The following CCDC171 variants were observed in gnomAD, a reference collection of about 807,000 sequenced individuals.
CCDC171 encodes the protein coiled-coil domain containing 171, also known as coiled-coil domain-containing protein 171.
A neutral mutation model predicts 168.2 loss-of-function variants in CCDC171; 177 were observed. That is an observed-to-expected ratio of 1.05 (90% CI 0.93 to 1.19). The LOEUF (loss-of-function observed/expected upper bound fraction) is 1.19. Among genes scored for constraint, CCDC171 ranks in the 50% most tolerant of loss-of-function variants. CCDC171 has a pLI of 0.00. For missense variants in CCDC171, 1,991 were observed against 1,539.0 expected (o/e 1.29, Z -4.91); for synonymous variants, 687 against 540.8 (o/e 1.27, Z -3.75).
chr9:16,011,671 A>T (rs16933937), intron 3 of CCDC171, among the ~76,000 whole-genome samples: 2,057 of 152,294 alleles, frequency 0.014, 47 homozygotes, highest in African/African-American at 0.046. Context: ...CCATACAGTC[A>T]TTCAGCATTT....
chr9:15,865,022 A>G (rs1389045834), intron 23 of CCDC171, among the ~76,000 whole-genome samples: 1 of 152,088 alleles, frequency 6.6e-6, no homozygotes, highest in Non-Finnish European at 1.5e-5. Flanking sequence ...GAAGTCTTAG[A>G]TGCTTTTATC....
intron 25 of CCDC171, among the ~76,000 whole-genome samples, chr9:15,965,466 T>G (rs1830707733): frequency 1.3e-5 from 2 of 152,204 alleles, no homozygotes; most frequent in Admixed American, 1.3e-4. Context: ...CTTTCTACCA[T>G]TAGCAAGCTG....
chr9:16,101,051 A>G, the CCDC171 span, among the ~76,000 whole-genome samples: 1 of 152,208 alleles, frequency 6.6e-6, no homozygotes, highest in African/African-American at 2.4e-5. Flanking sequence ...TGAAGGAGCT[A>G]GGAGGGAAGC....
chr9:15,596,357 A>C (rs1226028219), intron 6 of CCDC171, among the ~76,000 whole-genome samples: 23 of 151,562 alleles, frequency 1.5e-4, no homozygotes, highest in Non-Finnish European at 2.7e-4. Flanking sequence ...TCAGCTTTCT[A>C]CATATGGCTA....
At chr9:16,007,806 A>G (rs576874535) in intron 3 of CCDC171, among the ~76,000 whole-genome samples, 1 of 152,048 alleles carries the variant, frequency 6.6e-6, no homozygotes, top group South Asian at 2.1e-4. Flanking sequence ...TGTTTTGGTA[A>G]CAGTACCATG....
chr9:15,631,943 A>G (rs1360907814), intron 7 of CCDC171, among the ~76,000 whole-genome samples: 1 of 152,230 alleles, frequency 6.6e-6, no homozygotes, highest in Non-Finnish European at 1.5e-5. Context: ...CAATAGATGC[A>G]GAAAAGGCCT....
At chr9:15,778,690 A>G (rs1455105755) in intron 19 of CCDC171, among the ~76,000 whole-genome samples, 1 of 150,332 alleles carries the variant, frequency 6.7e-6, no homozygotes, top group Non-Finnish European at 1.5e-5. Flanking sequence ...GCTAAATTTA[A>G]TGTTCTCTAT....
At chr9:15,712,902 G>A (rs2052780364) in intron 11 of CCDC171, among the ~76,000 whole-genome samples, 1 of 152,132 alleles carries the variant, frequency 6.6e-6, no homozygotes, top group Admixed American at 6.5e-5. Flanking sequence ...AAGATGGCTA[G>A]GAAAAAACAT....
chr9:15,863,040 C>A (rs2061625264), intron 23 of CCDC171, among the ~76,000 whole-genome samples: 1 of 142,452 alleles, frequency 7.0e-6, no homozygotes, highest in African/African-American at 2.9e-5. Context: ...CAAACCACCA[C>A]CCTTTTTCTC....
At chr9:15,848,845 G>T (rs745959308) in intron 22 of CCDC171, 48 bp from the exon 23 acceptor site, 4 of 1,016,054 alleles carry the variant, frequency 3.9e-6, no homozygotes, top group Middle Eastern at 2.2e-4. Context: ...TGTAACAGTT[G>T]TAGTAAGGTT....
intron 3 of CCDC171, among the ~76,000 whole-genome samples, chr9:16,001,079 A>G (rs1230431956): frequency 1.3e-5 from 2 of 152,192 alleles, no homozygotes; most frequent in Non-Finnish European, 2.9e-5. Flanking sequence ...AAGCTAATGC[A>G]TTGATTTATA....
chr9:15,906,330 C>G (rs970588964), intron 24 of CCDC171, among the ~76,000 whole-genome samples: 1 of 152,190 alleles, frequency 6.6e-6, no homozygotes, highest in African/African-American at 2.4e-5. Flanking sequence ...CCACCATGAT[C>G]AAGTGGGCTT....
At chr9:15,915,972 A>G (rs1286538231) in intron 24 of CCDC171, among the ~76,000 whole-genome samples, 1 of 152,088 alleles carries the variant, frequency 6.6e-6, no homozygotes. Flanking sequence ...TCACCTGGTT[A>G]TAGTGTATTA....
rs1185969975 is a variant in CCDC171, at chr9:15,972,982, G to A, written c.*1146G>A. ...TACTTGACAAGCTTTTGGGTGCTTT[G>A]TGGCTTGACAAAGTGATGTTCTGTT... is the stretch of plus-strand genomic sequence containing the variant. On this transcript the variant is annotated 3_prime_UTR_variant, in exon 26 of 26. Transcript: ENST00000380701. The A allele has an allele frequency of 6.6e-6, 1 of 152,142 alleles. No homozygotes were observed. The highest frequency in any genetic ancestry group is 1.5e-5 in the Non-Finnish European group (1 of 68,048). The allele number at this position is 152,142 out of a possible 1,614,324, so 9.4% of individuals were successfully genotyped here. A position where few individuals can be genotyped will look rare whatever the true frequency, so the allele number is the denominator to read the frequency against.
At chr9:16,060,160 G>A (rs1833909416) in intron 1 of CCDC171, among the ~76,000 whole-genome samples, 1 of 152,194 alleles carries the variant, frequency 6.6e-6, no homozygotes, top group African/African-American at 2.4e-5. Flanking sequence ...CTGAAGGCTA[G>A]TGGCTGGACC....
chr9:15,679,496 C>T (rs1033510171), intron 10 of CCDC171, among the ~76,000 whole-genome samples: 1 of 152,064 alleles, frequency 6.6e-6, no homozygotes, highest in African/African-American at 2.4e-5. Context: ...TTGCCTTTGC[C>T]CTCTGTCTGT....
intron 18 of CCDC171, 133 bp downstream of exon 18, chr9:15,745,764 A>G: frequency 4.0e-6 from 2 of 504,434 alleles, no homozygotes; most frequent in Non-Finnish European, 6.8e-6. Flanking sequence ...ATTCAGTCAT[A>G]GAGAGATTGT....
chr9:15,666,320 A>G lies in CCDC171; in HGVS notation c.1073A>G (p.Asn358Ser). Reference protein sequence around the residue: ...HNAQESFAKLNLLEKEYFSKN... With the variant: ...HNAQESFAKLSLLEKEYFSKN... ...GCACAAGAGAGCTTTGCAAAACTAAATTTGTAAGTATTCTATTGTAAAATT... is the reference window on the plus strand; with the variant it reads ...GCACAAGAGAGCTTTGCAAAACTAAGTTTGTAAGTATTCTATTGTAAAATT... The change falls in exon 9 of 26, where the codon AAT (asparagine) becomes AGT (serine). Residue 358 changes from asparagine (N) to serine (S), a missense_variant. Coordinates refer to ENST00000380701, the MANE Select transcript of CCDC171 (RefSeq NM_173550.4). 2 of 1,599,338 alleles carry G rather than the reference A, an allele frequency of 1.3e-6. No individual in the cohort carries two copies. The highest frequency in any genetic ancestry group is 1.1e-5 in the South Asian group (1 of 89,224).
chr9:16,087,665 A>G, the CCDC171 span, among the ~76,000 whole-genome samples: 2 of 149,200 alleles, frequency 1.3e-5, no homozygotes, highest in Non-Finnish European at 1.5e-5. Flanking sequence ...GGTCTGTTGA[A>G]TACAGCACAC....
Sources: allele counts gnomAD v4.1 joint callset (sites outside exome capture counted in the v4.1 genomes callset), GRCh38; gene constraint gnomAD v4.1.1; transcripts MANE v1.5; gene names NCBI Gene and HGNC (gene_info 2026-07-23, HGNC 2026-07-21).